ETV1: variants seen among roughly 807,000 people sequenced by gnomAD.
The protein encoded by ETV1 is ETS variant transcription factor 1.
ETV1 carries 27 observed loss-of-function variants against 62.3 expected under a neutral mutation model. The ratio of observed to expected loss-of-function variants is 0.43; its 90% CI spans 0.32 to 0.60. ETV1 has a LOEUF of 0.60. Ranked by LOEUF, ETV1 falls within the 20% of genes least tolerant of loss-of-function variation. The pLI, the probability that ETV1 is intolerant of heterozygous loss-of-function variation, is 0.06. For missense variants in ETV1, 605 were observed against 605.8 expected, an observed-to-expected ratio of 1.00 and a Z score of 0.01; for synonymous variants, 222 against 199.6, an observed-to-expected ratio of 1.11 and a Z score of -0.94.
At chr7:13,899,455 C>G (rs901862620) in intron 13 of ETV1, among the ~76,000 whole-genome samples, 4 of 152,196 alleles carry the variant, frequency 2.6e-5, no homozygotes, top group African/African-American at 9.7e-5. Flanking sequence ...TAATATGCCT[C>G]TTGTCAATAG....
rs191882591 is a variant in ETV1, at chr7:13,927,821, A to G, written c.802+3681T>C. On this transcript the variant is annotated intron_variant, in intron 9 of 13. Coordinates refer to ENST00000430479, the MANE Select transcript of ETV1 (RefSeq NM_004956.5). ...ATATTTATTTTAAATCCTGTCAGAA[A>G]GATACAATTTTACCATTTAACTATT... Among the ~76,000 whole-genome samples, 43 of 152,336 alleles carry G rather than the reference A, an allele frequency of 2.8e-4. No individual in the cohort carries two copies. The East Asian group carries it at 6.6e-3, about 23-fold the overall frequency.
At chr7:13,985,433 T>A (rs1017100186) in intron 5 of ETV1, 1 of 152,122 alleles carries the variant, frequency 6.6e-6, no homozygotes, top group African/African-American at 2.4e-5. Context: ...TGATAAAGAT[T>A]GAAAAAGCTC....
intron 6 of ETV1, among the ~76,000 whole-genome samples, chr7:13,944,011 G>A (rs555645861): frequency 2.6e-5 from 4 of 152,290 alleles, no homozygotes; most frequent in South Asian, 2.1e-4. Context: ...AGGAAATGGA[G>A]GGTGGAGAGG....
chr7:13,975,356 C>A (rs1449076895), intron 6 of ETV1, among the ~76,000 whole-genome samples: 1 of 151,894 alleles, frequency 6.6e-6, no homozygotes, highest in Non-Finnish European at 1.5e-5. Flanking sequence ...ACCATCCTGG[C>A]CAACACAGTG....
intron 13 of ETV1, chr7:13,900,252 T>A (rs1782273404): frequency 6.6e-6 from 1 of 152,512 alleles, no homozygotes; most frequent in African/African-American, 2.4e-5. Flanking sequence ...TGGTTTAGGA[T>A]GTCAAACTAT....
intron 7 of ETV1, among the ~76,000 whole-genome samples, chr7:13,936,937 G>A (rs895118106): frequency 7.2e-5 from 11 of 152,054 alleles, no homozygotes; most frequent in African/African-American, 2.4e-4. Flanking sequence ...AGATATTCAC[G>A]AGACTGAGGT....
intron 9 of ETV1, among the ~76,000 whole-genome samples, chr7:13,923,164 T>C (rs1785043889): frequency 6.6e-6 from 1 of 152,150 alleles, no homozygotes. Flanking sequence ...ACACTACACA[T>C]TTATATTTTT....
intron 6 of ETV1, among the ~76,000 whole-genome samples, chr7:13,953,827 A>G (rs1789103609): frequency 6.6e-6 from 1 of 152,334 alleles, no homozygotes; most frequent in East Asian, 1.9e-4. Context: ...TGGTAAATAT[A>G]TTCCTTGAAA....
At chr7:13,988,242 G>GCA (rs59844225) in intron 3 of ETV1, 69 bp from the exon 4 acceptor site, 303,150 of 721,786 alleles carry the variant, frequency 0.42, 43,196 homozygotes, top group African/African-American at 0.52. Flanking sequence ...ACACGCGCGC[G>GCA]CACACACACA....
chr7:13,986,154 C>A (rs1333746395), intron 5 of ETV1: 1 of 1,594,324 alleles, frequency 6.3e-7, no homozygotes, highest in Non-Finnish European at 8.5e-7. Context: ...AAAGAAGACA[C>A]TTGCACTTAA....
chr7:13,903,467 A>G (rs1327701989), intron 12 of ETV1, among the ~76,000 whole-genome samples: 1 of 151,990 alleles, frequency 6.6e-6, no homozygotes, highest in Non-Finnish European at 1.5e-5. Context: ...TTTCTATGTT[A>G]ATAATTGTTT....
At chr7:13,953,009 G>C (rs1789008533) in intron 6 of ETV1, among the ~76,000 whole-genome samples, 1 of 152,156 alleles carries the variant, frequency 6.6e-6, no homozygotes, top group African/African-American at 2.4e-5. Context: ...GGGAAAGGAA[G>C]GCCTAATGTA....
intron 5 of ETV1, among the ~76,000 whole-genome samples, chr7:13,980,824 T>C (rs1201379342): frequency 6.6e-6 from 1 of 152,102 alleles, no homozygotes; most frequent in Non-Finnish European, 1.5e-5. Context: ...ATGCATATTA[T>C]CAGAAAGAAA....
intron 5 of ETV1, among the ~76,000 whole-genome samples, chr7:13,979,344 C>T (rs572938679): frequency 2.2e-4 from 33 of 152,120 alleles, no homozygotes; most frequent in African/African-American, 5.8e-4. Context: ...GTCATTACAA[C>T]GCTCAGTTTA....
chr7:13,961,060 C>T (rs1583808783), intron 6 of ETV1, among the ~76,000 whole-genome samples: 1 of 143,972 alleles, frequency 6.9e-6, no homozygotes, highest in African/African-American at 2.5e-5. Context: ...GTTGGGAGAT[C>T]GCTTGAGCGC....
intron 7 of ETV1, among the ~76,000 whole-genome samples, chr7:13,938,707 CT>C (rs1787103448): frequency 6.6e-6 from 1 of 152,212 alleles, no homozygotes; most frequent in Non-Finnish European, 1.5e-5. Context: ...ATGAACTCAT[CT>C]TACAGATCAT....
At chr7:13,988,849 A>G in intron 3 of ETV1, 159 bp downstream of exon 3, 1 of 1,591,554 alleles carries the variant, frequency 6.3e-7, no homozygotes, top group Non-Finnish European at 8.6e-7. Context: ...CTCATTTTGA[A>G]GACTGGGCTT....
chr7:13,989,535 G>C (rs1782864069), intron 1 of ETV1, 28 bp downstream of exon 1: 1 of 399,110 alleles, frequency 2.5e-6, no homozygotes, highest in Non-Finnish European at 4.4e-6. Flanking sequence ...TATCTGGAGA[G>C]ACATAAAAAG....
intron 6 of ETV1, among the ~76,000 whole-genome samples, chr7:13,960,152 T>A (rs1008703695): frequency 3.3e-5 from 5 of 152,152 alleles, no homozygotes; most frequent in African/African-American, 1.2e-4. Context: ...CAATCTATAA[T>A]GAATAATTAC....
Sources: allele counts gnomAD v4.1 joint callset (sites outside exome capture counted in the v4.1 genomes callset), GRCh38; gene constraint gnomAD v4.1.1; transcripts MANE v1.5; gene names NCBI Gene and HGNC (gene_info 2026-07-23, HGNC 2026-07-21).